The following ITFG1 variants were observed in gnomAD, a reference collection of about 807,000 sequenced individuals.
ITFG1 encodes T-cell immunomodulatory protein.
In ITFG1, 34 loss-of-function variants were observed where a neutral mutation model predicts 81.8. The ratio of observed to expected loss-of-function variants is 0.42; its 90% CI spans 0.32 to 0.55. The LOEUF (loss-of-function observed/expected upper bound fraction) is 0.55. Ranked by LOEUF, ITFG1 falls within the 20% of genes least tolerant of loss-of-function variation. ITFG1 has a pLI of 0.17. For synonymous variants in ITFG1, 285 were observed against 270.6 expected, an observed-to-expected ratio of 1.05 and a Z score of -0.52; for missense variants, 672 against 755.4, an observed-to-expected ratio of 0.89 and a Z score of 1.29.
At chr16:47,341,185 C>T (rs577536599) in intron 8 of ITFG1, among the ~76,000 whole-genome samples, 1 of 151,672 alleles carries the variant, frequency 6.6e-6, no homozygotes, top group African/African-American at 2.4e-5. Context: ...GAGGCTGAGG[C>T]AAGAGGATTG....
chr16:47,178,747 G>A (rs1220322202), intron 14 of ITFG1, among the ~76,000 whole-genome samples: 1 of 152,142 alleles, frequency 6.6e-6, no homozygotes, highest in Admixed American at 6.5e-5. Flanking sequence ...AAACTAAAGA[G>A]CTTCTTCACA....
chr16:47,392,173 G>A (rs1269815988), intron 6 of ITFG1, among the ~76,000 whole-genome samples: 4 of 152,174 alleles, frequency 2.6e-5, no homozygotes, highest in Admixed American at 2.6e-4. Context: ...CAGCGCTTTG[G>A]GAAGCTGAGG....
At chr16:47,179,606 T>C (rs939750345) in intron 14 of ITFG1, among the ~76,000 whole-genome samples, 1 of 151,972 alleles carries the variant, frequency 6.6e-6, no homozygotes, top group African/African-American at 2.4e-5. Context: ...TTTTTTGATA[T>C]GTAAAATATA....
chr16:47,403,474 C>T (rs1443672246), intron 6 of ITFG1, among the ~76,000 whole-genome samples: 2 of 151,882 alleles, frequency 1.3e-5, no homozygotes, highest in African/African-American at 4.8e-5. Flanking sequence ...GGAGAAATAA[C>T]CACTAAATGC....
At chr16:47,456,791 G>A (rs1435381519) in intron 2 of ITFG1, among the ~76,000 whole-genome samples, 2 of 151,746 alleles carry the variant, frequency 1.3e-5, no homozygotes, top group African/African-American at 2.4e-5. Context: ...ACACACCCCC[G>A]TGAAGTAAAT....
chr16:47,274,412 T>C (rs1966376641), intron 10 of ITFG1, among the ~76,000 whole-genome samples: 1 of 152,148 alleles, frequency 6.6e-6, no homozygotes, highest in African/African-American at 2.4e-5. Flanking sequence ...CAGGAATGTA[T>C]ATAAAATCAG....
At chr16:47,293,232 T>TATC (rs138195839) in intron 10 of ITFG1, among the ~76,000 whole-genome samples, 16,626 of 146,640 alleles carry the variant, frequency 0.11, 2,196 homozygotes, top group African/African-American at 0.32. Context: ...ATGTGATATA[T>TATC]ATATTTTCTG....
At chr16:47,447,039 T>G (rs1052240564) in intron 5 of ITFG1, among the ~76,000 whole-genome samples, 1 of 152,076 alleles carries the variant, frequency 6.6e-6, no homozygotes, top group Non-Finnish European at 1.5e-5. Flanking sequence ...TTTTTTCTTT[T>G]TCTTTGTATG....
intron 14 of ITFG1, among the ~76,000 whole-genome samples, chr16:47,193,973 G>T (rs1480851734): frequency 4.6e-5 from 7 of 152,130 alleles, no homozygotes; most frequent in Admixed American, 3.9e-4. Context: ...ATGAAGTTAA[G>T]AAATAAAGAG....
chr16:47,326,889 G>T (rs1596897752), intron 8 of ITFG1, among the ~76,000 whole-genome samples: 1 of 152,126 alleles, frequency 6.6e-6, no homozygotes, highest in African/African-American at 2.4e-5. Context: ...CGTGAAAATG[G>T]CCATAGTGCC....
At chr16:47,442,760 T>C (rs1039426897) in intron 5 of ITFG1, among the ~76,000 whole-genome samples, 6 of 152,288 alleles carry the variant, frequency 3.9e-5, no homozygotes, top group Admixed American at 6.5e-5. Flanking sequence ...TCAAGATGGA[T>C]TAAAGACTTA....
chr16:47,270,204 T>C (rs910826612), intron 10 of ITFG1, among the ~76,000 whole-genome samples: 1 of 152,126 alleles, frequency 6.6e-6, no homozygotes, highest in Non-Finnish European at 1.5e-5. Flanking sequence ...AATTGAAATA[T>C]GGTACTTTCC....
intron 13 of ITFG1, among the ~76,000 whole-genome samples, chr16:47,235,254 A>G (rs1390919093): frequency 6.6e-6 from 1 of 150,488 alleles, no homozygotes; most frequent in African/African-American, 2.4e-5. Context: ...TCAGTGCTTT[A>G]TAGGAGTTAA....
intron 6 of ITFG1, among the ~76,000 whole-genome samples, chr16:47,387,322 A>G (rs1157260369): frequency 6.6e-6 from 1 of 152,244 alleles, no homozygotes; most frequent in Non-Finnish European, 1.5e-5. Flanking sequence ...GCAAACAACA[A>G]TAACAAGCTT....
At chr16:47,352,998 G>T (rs1195165431) in intron 8 of ITFG1, among the ~76,000 whole-genome samples, 1 of 147,918 alleles carries the variant, frequency 6.8e-6, no homozygotes, top group Non-Finnish European at 1.5e-5. Flanking sequence ...TCATAGGTGG[G>T]AATTGAACAA....
At chr16:47,224,092 T>C (rs1965729660) in intron 13 of ITFG1, among the ~76,000 whole-genome samples, 2 of 149,552 alleles carry the variant, frequency 1.3e-5, no homozygotes, top group Admixed American at 6.6e-5. Flanking sequence ...AGGGATAGCA[T>C]TGGGAGATAC....
At chr16:47,202,712 T>C (rs553054986) in intron 14 of ITFG1, among the ~76,000 whole-genome samples, 22 of 152,180 alleles carry the variant, frequency 1.4e-4, no homozygotes, top group African/African-American at 5.1e-4. Flanking sequence ...AGGTCTTGAA[T>C]AGATATTTTT....
chr16:47,375,966 A>G, intron 6 of ITFG1, 26 bp from the exon 7 acceptor site: 1 of 1,471,878 alleles, frequency 6.8e-7, no homozygotes, highest in Non-Finnish European at 9.5e-7. Flanking sequence ...ATAAAAACGT[A>G]AAGTTTTGTA....
intron 8 of ITFG1, among the ~76,000 whole-genome samples, chr16:47,314,440 C>G (rs902674607): frequency 1.3e-5 from 2 of 152,144 alleles, no homozygotes; most frequent in Non-Finnish European, 2.9e-5. Flanking sequence ...ATAAAGCCCT[C>G]AACACTCTGG....
Sources: allele counts gnomAD v4.1 joint callset (sites outside exome capture counted in the v4.1 genomes callset), GRCh38; gene constraint gnomAD v4.1.1; transcripts MANE v1.5; gene names NCBI Gene and HGNC (gene_info 2026-07-23, HGNC 2026-07-21).